GRM7: variants seen among roughly 807,000 people sequenced by gnomAD.
The protein encoded by GRM7 is glutamate metabotropic receptor 7, also known as metabotropic glutamate receptor 7.
GRM7 carries 35 observed loss-of-function variants against 84.5 expected under a neutral mutation model. The observed-to-expected ratio is 0.41, with a 90% CI of 0.32 to 0.55. The LOEUF is 0.55. Ranked by LOEUF, GRM7 falls within the 20% of genes least tolerant of loss-of-function variation. The probability of loss-of-function intolerance (pLI) is 0.19; values close to 1 mark genes in which losing one functional copy is unlikely to be tolerated. For missense variants in GRM7, 1,003 were observed against 1,194.6 expected (o/e 0.84, Z 2.36); for synonymous variants, 487 against 455.1 (o/e 1.07, Z -0.89).
chr3:6,960,261 G>T (rs184739164), intron 1 of GRM7, among the ~76,000 whole-genome samples: 12 of 152,016 alleles, frequency 7.9e-5, no homozygotes, highest in African/African-American at 2.2e-4. Context: ...TCACTGTTTT[G>T]GATTTAAGAA....
At chr3:7,561,866 A>T (rs1694041907) in intron 7 of GRM7, among the ~76,000 whole-genome samples, 1 of 152,164 alleles carries the variant, frequency 6.6e-6, no homozygotes, top group African/African-American at 2.4e-5. Context: ...ATGAACATAC[A>T]CTTCAACAGC....
chr3:7,174,168 A>T (rs927901173), intron 2 of GRM7, among the ~76,000 whole-genome samples: 26 of 152,180 alleles, frequency 1.7e-4, no homozygotes, highest in Non-Finnish European at 5.9e-5. Flanking sequence ...TCACTTAAAA[A>T]ACTTAGTGAT....
At position 6,967,438 on chromosome 3, in the gene GRM7, G is replaced by A. The variant is rs568709622; in HGVS notation, c.519+105531G>A. Among the ~76,000 whole-genome samples, 14 of 152,224 alleles carry A rather than the reference G, an allele frequency of 9.2e-5. No homozygotes were observed. The East Asian group carries it at 2.7e-3, about 29-fold the overall frequency. ...TCCAACTCCTGGGCTCAAATGATCGGCTCACTTTGGTCTCCCAAAGTGTTG... is the reference window on the plus strand; with the variant it reads ...TCCAACTCCTGGGCTCAAATGATCGACTCACTTTGGTCTCCCAAAGTGTTG... On this transcript the variant is annotated intron_variant, in intron 1 of 9. Transcript: ENST00000357716.
At chr3:7,000,920 T>C (rs1267723045) in intron 1 of GRM7, among the ~76,000 whole-genome samples, 1 of 152,152 alleles carries the variant, frequency 6.6e-6, no homozygotes, top group Non-Finnish European at 1.5e-5. Context: ...TAGGAATCCT[T>C]CAAGGCATAC....
rs760574161 is a variant in GRM7 at position 7,188,884 on chromosome 3, G to A, written c.736+42216G>A. ...GACACACCTGCTTCTTAACACCTAC[G>A]GTTTTAAAGAAATGCACAAATATTG... is the stretch of plus-strand genomic sequence containing the variant. On this transcript the variant is annotated intron_variant, in intron 2 of 9. Transcript: ENST00000357716. This position sits in a 1 kb window ranked among gnomAD's most constrained non-coding sequence, Gnocchi z 4.2. Among the ~76,000 whole-genome samples, 4 of 152,142 alleles carry A rather than the reference G, an allele frequency of 2.6e-5. No homozygotes were observed. Among genetic ancestry groups the A allele is most frequent in the African/African-American group, 7.2e-5 (3 of 41,420 alleles).
At chr3:7,370,098 CT>C (rs1259675825) in intron 4 of GRM7, among the ~76,000 whole-genome samples, 1 of 152,110 alleles carries the variant, frequency 6.6e-6, no homozygotes, top group Non-Finnish European at 1.5e-5. Flanking sequence ...GTCAAAAGCA[CT>C]TGCTTTCCAG....
chr3:7,518,810 A>G (rs1426244317), intron 7 of GRM7, among the ~76,000 whole-genome samples: 2 of 152,280 alleles, frequency 1.3e-5, no homozygotes, highest in African/African-American at 4.8e-5. Flanking sequence ...TAATGAAATC[A>G]GTCCTCAATC....
chr3:7,533,568 G>A (rs1701124529), intron 7 of GRM7, among the ~76,000 whole-genome samples: 1 of 152,156 alleles, frequency 6.6e-6, no homozygotes, highest in South Asian at 2.1e-4. Flanking sequence ...GTGGCCCCAA[G>A]GAGCAAGCCA....
intron 8 of GRM7, among the ~76,000 whole-genome samples, chr3:7,646,813 C>G (rs1698667628): frequency 6.6e-6 from 1 of 152,104 alleles, no homozygotes; most frequent in African/African-American, 2.4e-5. Flanking sequence ...AAACCCTTTC[C>G]TAGTCTAAAG....
chr3:7,125,146 G>T (rs1272793530), intron 1 of GRM7, among the ~76,000 whole-genome samples: 1 of 152,032 alleles, frequency 6.6e-6, no homozygotes, highest in Non-Finnish European at 1.5e-5. Context: ...CGCCTTGTTG[G>T]CCAGGCTGGT....
At chr3:7,178,669 C>T (rs1695235429) in intron 2 of GRM7, among the ~76,000 whole-genome samples, 1 of 152,120 alleles carries the variant, frequency 6.6e-6, no homozygotes, top group East Asian at 1.9e-4. Context: ...ATGGGTGTCC[C>T]TCTCAACTGG....
At chr3:7,723,863 T>C (rs1702033727) in intron 9 of GRM7, among the ~76,000 whole-genome samples, 1 of 152,052 alleles carries the variant, frequency 6.6e-6, no homozygotes, top group Admixed American at 6.6e-5. Flanking sequence ...AACATTTTTT[T>C]AATAAAAAAT....
chr3:7,414,198 C>T (rs778840610), intron 4 of GRM7, among the ~76,000 whole-genome samples: 1 of 152,068 alleles, frequency 6.6e-6, no homozygotes, highest in Admixed American at 6.6e-5. Context: ...GGAAGTAAGT[C>T]CATTTTTTCT....
At chr3:6,929,034 A>G (rs1242052977) in intron 1 of GRM7, among the ~76,000 whole-genome samples, 2 of 152,166 alleles carry the variant, frequency 1.3e-5, no homozygotes, top group African/African-American at 4.8e-5. Context: ...GAAAGCTGAT[A>G]AATAATTGGA....
intron 2 of GRM7, among the ~76,000 whole-genome samples, chr3:7,274,773 AT>A (rs1200036228): frequency 1.7e-4 from 26 of 151,568 alleles, no homozygotes; most frequent in Admixed American, 1.4e-3. Context: ...GTTGTTTTGT[AT>A]TGTCATTTTT....
chr3:7,068,412 A>G (rs1039164704), intron 1 of GRM7, among the ~76,000 whole-genome samples: 8 of 152,062 alleles, frequency 5.3e-5, no homozygotes, highest in Non-Finnish European at 1.2e-4. Context: ...ACCATCAAGT[A>G]ATAGTTACGC....
At chr3:7,428,213 C>T (rs1162689385) in intron 5 of GRM7, among the ~76,000 whole-genome samples, 4 of 152,134 alleles carry the variant, frequency 2.6e-5, no homozygotes, top group Non-Finnish European at 5.9e-5. Context: ...TGTGTCTCTG[C>T]CATTCAATGA....
At chr3:7,324,884 T>A (rs1404374583) in intron 4 of GRM7, among the ~76,000 whole-genome samples, 1 of 152,200 alleles carries the variant, frequency 6.6e-6, no homozygotes. Flanking sequence ...GCCCAGCACC[T>A]GTAGAATCTA....
intron 1 of GRM7, among the ~76,000 whole-genome samples, chr3:6,878,627 C>T (rs186573804): frequency 3.5e-4 from 54 of 152,222 alleles, no homozygotes; most frequent in African/African-American, 1.2e-3. Context: ...CAATACATCA[C>T]GCACTAATAA....
Sources: gnomAD v4.1 joint callset for allele counts (sites outside exome capture counted in the v4.1 genomes callset) on GRCh38, gnomAD v4.1.1 for gene constraint, Gnocchi (gnomAD v3.1) non-coding constraint, MANE v1.5 for transcripts, NCBI Gene and HGNC (gene_info 2026-07-23, HGNC 2026-07-21) for gene names.